Variants in ASTN2 observed in about 807,000 individuals in gnomAD.
ASTN2 encodes astrotactin-2.
ASTN2 carries 54 observed loss-of-function variants against 139.8 expected under a neutral mutation model. The ratio of observed to expected loss-of-function variants is 0.39; its 90% CI spans 0.31 to 0.48. ASTN2 has a LOEUF of 0.48. Among genes scored for constraint, ASTN2 ranks in the 20% least tolerant of loss-of-function variants. The pLI is 0.95. For missense variants in ASTN2, 1,565 were observed against 1,725.1 expected (o/e 0.91, Z 1.64); for synonymous variants, 756 against 719.5 (o/e 1.05, Z -0.81).
chr9:116,959,737 T>C (rs1835824574), intron 10 of ASTN2, among the ~76,000 whole-genome samples: 1 of 152,006 alleles, frequency 6.6e-6, no homozygotes, highest in Admixed American at 6.6e-5. Flanking sequence ...GGTCAAAAGA[T>C]GAAGAAAACA....
chr9:116,671,842 T>A (rs1313798547), intron 16 of ASTN2, among the ~76,000 whole-genome samples: 1 of 152,112 alleles, frequency 6.6e-6, no homozygotes, highest in Admixed American at 6.6e-5. Context: ...ATCTTGAAAA[T>A]GGCTACTTCC....
At chr9:116,794,528 G>A (rs1830641612) in intron 13 of ASTN2, among the ~76,000 whole-genome samples, 1 of 152,168 alleles carries the variant, frequency 6.6e-6, no homozygotes, top group Admixed American at 6.5e-5. Context: ...ATGTGCCTGA[G>A]CACACATGTT....
chr9:116,591,885 A>G, intron 19 of ASTN2, among the ~76,000 whole-genome samples: 1 of 152,280 alleles, frequency 6.6e-6, no homozygotes, highest in East Asian at 1.9e-4. Flanking sequence ...TTTATGTGGG[A>G]ATGTTATACT....
At chr9:116,770,425 T>C (rs150876112) in intron 13 of ASTN2, among the ~76,000 whole-genome samples, 69 of 152,272 alleles carry the variant, frequency 4.5e-4, no homozygotes, top group African/African-American at 1.5e-3. Flanking sequence ...AGGTGCCTTA[T>C]ATACAATATT....
At chr9:117,133,127 A>G (rs975310335) in intron 4 of ASTN2, among the ~76,000 whole-genome samples, 3 of 152,202 alleles carry the variant, frequency 2.0e-5, no homozygotes, top group Non-Finnish European at 2.9e-5. Flanking sequence ...ATATTTTTCA[A>G]TTGTATGTAT....
chr9:116,575,250 C>A (rs993324774), intron 19 of ASTN2, among the ~76,000 whole-genome samples: 10 of 150,702 alleles, frequency 6.6e-5, no homozygotes, highest in Non-Finnish European at 1.5e-4. Context: ...TATAAAAATA[C>A]AAACTTACTG....
At chr9:116,933,860 T>C (rs371640529) in intron 10 of ASTN2, among the ~76,000 whole-genome samples, 2 of 151,998 alleles carry the variant, frequency 1.3e-5, no homozygotes, top group East Asian at 3.9e-4. Context: ...GGCTAAATAA[T>C]GTCTTCAGGC....
At chr9:116,514,445 G>C (rs1474863001) in intron 19 of ASTN2, among the ~76,000 whole-genome samples, 2 of 152,130 alleles carry the variant, frequency 1.3e-5, no homozygotes, top group Non-Finnish European at 2.9e-5. Flanking sequence ...CTTCTCAGGG[G>C]TCAGGGACCC....
intron 17 of ASTN2, among the ~76,000 whole-genome samples, chr9:116,628,951 C>A (rs1288878802): frequency 6.6e-6 from 1 of 152,110 alleles, no homozygotes; most frequent in Non-Finnish European, 1.5e-5. Flanking sequence ...GACGAGCATA[C>A]CATTAACAGT....
At chr9:117,401,649 A>T (rs1295921985) in intron 1 of ASTN2, among the ~76,000 whole-genome samples, 1 of 152,178 alleles carries the variant, frequency 6.6e-6, no homozygotes, top group African/African-American at 2.4e-5. Context: ...TAAATATTTT[A>T]AGCTTTGCAG....
chr9:116,942,375 C>T (rs1327471999), intron 10 of ASTN2, among the ~76,000 whole-genome samples: 1 of 152,184 alleles, frequency 6.6e-6, no homozygotes, highest in Non-Finnish European at 1.5e-5. Flanking sequence ...GATGCCTGGC[C>T]TTCCTACCTC....
chr9:117,341,316 G>T (rs947861818), intron 1 of ASTN2, among the ~76,000 whole-genome samples: 1 of 152,048 alleles, frequency 6.6e-6, no homozygotes, highest in African/African-American at 2.4e-5. Context: ...ACTGAGATAG[G>T]AATGATCTGC....
At chr9:117,293,136 C>G (rs1462651014) in intron 1 of ASTN2, among the ~76,000 whole-genome samples, 1 of 152,102 alleles carries the variant, frequency 6.6e-6, no homozygotes, top group East Asian at 1.9e-4. Context: ...CCATCCTTGA[C>G]AGCTTGCTTT....
chr9:116,830,594 C>A (rs956138159), intron 11 of ASTN2, among the ~76,000 whole-genome samples: 3 of 151,516 alleles, frequency 2.0e-5, no homozygotes, highest in Admixed American at 6.6e-5. Flanking sequence ...GAGTTTGAGA[C>A]CAGCCTGGCC....
intron 16 of ASTN2, among the ~76,000 whole-genome samples, chr9:116,688,622 C>T (rs1860398570): frequency 6.7e-6 from 1 of 149,820 alleles, no homozygotes; most frequent in Non-Finnish European, 1.5e-5. Context: ...CCACTAACTC[C>T]ATTCTGACCA....
intron 2 of ASTN2, among the ~76,000 whole-genome samples, chr9:117,229,146 CT>C (rs1395033200): frequency 6.6e-6 from 1 of 152,208 alleles, no homozygotes; most frequent in Non-Finnish European, 1.5e-5. Context: ...ATTTCCACCC[CT>C]GCTGGCAGGA....
intron 19 of ASTN2, among the ~76,000 whole-genome samples, chr9:116,569,992 T>C (rs888493983): frequency 2.0e-5 from 3 of 152,204 alleles, no homozygotes; most frequent in Non-Finnish European, 4.4e-5. Flanking sequence ...TTGCTCAAGA[T>C]GTGAAAAGTC....
intron 20 of ASTN2, among the ~76,000 whole-genome samples, chr9:116,483,320 G>A (rs1425877958): frequency 6.6e-6 from 1 of 152,156 alleles, no homozygotes; most frequent in Non-Finnish European, 1.5e-5. Context: ...GTTACACCAG[G>A]GTGAGCTTAG....
chr9:116,478,893 G>A (rs1849077600), intron 20 of ASTN2, among the ~76,000 whole-genome samples: 1 of 149,060 alleles, frequency 6.7e-6, no homozygotes, highest in South Asian at 2.1e-4. Context: ...TCAGGGGGCT[G>A]AAGCAGAAGA....
Sources: allele counts gnomAD v4.1 joint callset (sites outside exome capture counted in the v4.1 genomes callset), GRCh38; gene constraint gnomAD v4.1.1; transcripts MANE v1.5; gene names NCBI Gene and HGNC (gene_info 2026-07-23, HGNC 2026-07-21).